The following EZH1 variants were observed in gnomAD, a reference collection of about 807,000 sequenced individuals.
EZH1 encodes enhancer of zeste 1 polycomb repressive complex 2 subunit, also known as histone-lysine N-methyltransferase EZH1.
EZH1 carries 33 observed loss-of-function variants against 100.5 expected under a neutral mutation model. That is an observed-to-expected ratio of 0.33 (90% confidence interval 0.25 to 0.44). EZH1 has a LOEUF of 0.44. Ranked by LOEUF, EZH1 falls within the 20% of genes least tolerant of loss-of-function variation. EZH1 has a pLI of 1.00. For missense variants in EZH1, 475 were observed against 928.4 expected (o/e 0.51, Z 6.35); for synonymous variants, 272 against 313.8 (o/e 0.87, Z 1.41).
chr17:42,724,317 T>C lies in EZH1; in HGVS notation c.354A>G (p.Gln118=). Residue 118 remains glutamine, a synonymous_variant, in exon 5 of 21, where the codon CAA becomes CAG. Transcript: ENST00000428826. ...VPIMYSWSPL[Q]QNFMVEDETV... ...TTTCAATACATACCATAAAGTTCTG[T>C]TGGAGAGGGGACCAGGAATACATGA... is the stretch of plus-strand genomic sequence containing the variant. The C allele has an allele frequency of 1.9e-6, 3 of 1,613,852 alleles. No individual in the cohort carries two copies. The highest frequency in any genetic ancestry group is 1.3e-5 in the African/African-American group (1 of 75,006).
chr17:42,728,756 A>G (rs973630665), intron 3 of EZH1, 69 bp downstream of exon 3: 2 of 1,503,468 alleles, frequency 1.3e-6, no homozygotes, highest in Non-Finnish European at 1.8e-6. Flanking sequence ...AAAAAAAAAA[A>G]TTCCAACCCC....
At position 42,712,731 on chromosome 17, in the gene EZH1, T is replaced by C. The variant is rs568517929; in HGVS notation, c.1205-246A>G. Among the ~76,000 whole-genome samples the C allele has an allele frequency of 2.0e-5, 3 of 148,680 alleles. 1 individual carries two copies. Among genetic ancestry groups the C allele is most frequent in the Non-Finnish European group, 4.5e-5 (3 of 67,040 alleles). On this transcript the variant is annotated intron_variant, in intron 11 of 20. Coordinates refer to ENST00000428826, the MANE Select transcript of EZH1 (RefSeq NM_001991.5). ...CAGCCTGGGCAACATGGCGAAACCC[T>C]GTCTCTACTAAAAATACAAAAATTA... is the stretch of plus-strand genomic sequence containing the variant.
intron 10 of EZH1, among the ~76,000 whole-genome samples, chr17:42,715,976 G>A (rs1597837284): frequency 6.6e-6 from 1 of 151,958 alleles, no homozygotes; most frequent in Middle Eastern, 3.4e-3. Flanking sequence ...GAACCCGGGA[G>A]GTGGAGATTG....
chr17:42,711,601 C>G (rs1056697327), intron 12 of EZH1, among the ~76,000 whole-genome samples: 4 of 151,712 alleles, frequency 2.6e-5, no homozygotes, highest in Non-Finnish European at 5.9e-5. Flanking sequence ...CAAGATTATG[C>G]CACTGCACCA....
chr17:42,711,071 C>A (rs2053472442), intron 12 of EZH1, among the ~76,000 whole-genome samples: 1 of 152,184 alleles, frequency 6.6e-6, no homozygotes, highest in Admixed American at 6.5e-5. Context: ...GTTCTTCAGT[C>A]TGTCTTCTCA....
chr17:42,727,905 C>T (rs1247404278), intron 3 of EZH1, 142 bp from the exon 4 acceptor site: 2 of 500,596 alleles, frequency 4.0e-6, no homozygotes, highest in Non-Finnish European at 5.7e-6. Context: ...CAACCTCCGC[C>T]TCCCGGGTTC....
At chr17:42,728,494 C>T (rs1018655859) in intron 3 of EZH1, among the ~76,000 whole-genome samples, 41 of 150,696 alleles carry the variant, frequency 2.7e-4, no homozygotes, top group African/African-American at 9.9e-4. Flanking sequence ...GTAATCCCAG[C>T]ACTTTGGGAG....
chr17:42,717,676 C>A (rs1054461005), intron 10 of EZH1, among the ~76,000 whole-genome samples: 2 of 152,270 alleles, frequency 1.3e-5, no homozygotes, highest in Non-Finnish European at 2.9e-5. Context: ...CCCACCCCCC[C>A]AGCATACACT....
At chr17:42,740,591 C>A (rs1448468809) in intron 1 of EZH1, among the ~76,000 whole-genome samples, 1 of 152,124 alleles carries the variant, frequency 6.6e-6, no homozygotes, top group Non-Finnish European at 1.5e-5. Flanking sequence ...TTGAAGTAAT[C>A]CCCCTTCCTC....
At chr17:42,738,917 C>T (rs963791333) in intron 1 of EZH1, among the ~76,000 whole-genome samples, 2 of 151,640 alleles carry the variant, frequency 1.3e-5, no homozygotes, top group African/African-American at 2.4e-5. Flanking sequence ...GCCACCAAGC[C>T]GGGTTAATTT....
At chr17:42,705,890 T>G (rs2053343391) in intron 16 of EZH1, 117 bp downstream of exon 16, 1 of 1,080,092 alleles carries the variant, frequency 9.3e-7, no homozygotes, top group Non-Finnish European at 1.3e-6. Context: ...TTTTAGGATT[T>G]ATCAAGCACT....
chr17:42,708,924 A>T lies in EZH1; in HGVS notation c.1494-8T>A. 6.2e-7 allele frequency: 1 copy of T among 1,614,212 alleles called. No homozygotes were observed. Among genetic ancestry groups the T allele is most frequent in the South Asian group, 1.1e-5 (1 of 91,086 alleles). ...CAGTGTGCAGCCCACAATCTGAAAA[A>T]GACAGGAAGGACAGGTCTCAGTCAC... On this transcript the variant is annotated splice_polypyrimidine_tract_variant and splice_region_variant and intron_variant, in intron 13 of 20. Coordinates refer to ENST00000428826, the MANE Select transcript of EZH1 (RefSeq NM_001991.5).
chr17:42,708,204 T>TTTAGCACCTGAAGACC, intron 14 of EZH1, 121 bp from the exon 15 acceptor site: 2 of 1,212,906 alleles, frequency 1.6e-6, no homozygotes, highest in Non-Finnish European at 2.3e-6. Context: ...TGGACACACA[T>TTTAGCACCTGAAGACC]TTAGCACCTG....
chr17:42,709,600 A>T (rs2053434346), intron 13 of EZH1: 3 of 413,438 alleles, frequency 7.3e-6, no homozygotes, highest in Non-Finnish European at 1.3e-5. Flanking sequence ...TATTGGCCAG[A>T]AGCTTAAATA....
At position 42,709,455 on chromosome 17, in the gene EZH1, T is replaced by C. The variant is rs369894293; in HGVS notation, c.1493+391A>G. On this transcript the variant is annotated intron_variant, in intron 13 of 20. Transcript: ENST00000428826. ...AAACTTCCAACCTAAGTAAAGGCTATCATGTAACTCAGAAAAACAACACAA... is the reference window on the plus strand; with the variant it reads ...AAACTTCCAACCTAAGTAAAGGCTACCATGTAACTCAGAAAAACAACACAA... The C allele has an allele frequency of 1.7e-3, 314 of 184,706 alleles. 1 individual carries two copies. Among genetic ancestry groups the C allele is most frequent in the South Asian group, 9.2e-3 (66 of 7,182 alleles). The allele number at this position is 184,706 out of a possible 1,614,324, so 11.4% of individuals were successfully genotyped here.
At chr17:42,720,213 C>T in intron 7 of EZH1, 60 bp downstream of exon 7, 1 of 1,532,152 alleles carries the variant, frequency 6.5e-7, no homozygotes, top group Non-Finnish European at 8.8e-7. Flanking sequence ...CTTTCCAGTT[C>T]TTCCTTCTTC....
intron 7 of EZH1, 21 bp from the exon 8 acceptor site, chr17:42,719,228 A>AG: frequency 6.3e-7 from 1 of 1,575,390 alleles, no homozygotes; most frequent in Non-Finnish European, 8.7e-7. Flanking sequence ...AATGATAAAA[A>AG]GCTCCTGAGT....
At chr17:42,720,005 A>G (rs1802071626) in intron 7 of EZH1, among the ~76,000 whole-genome samples, 2 of 152,244 alleles carry the variant, frequency 1.3e-5, no homozygotes, top group African/African-American at 4.8e-5. Flanking sequence ...AATTTGATAT[A>G]TACATATATA....
rs1201520847 is a variant in EZH1 at position 42,704,630 on chromosome 17, C to G, written c.1989G>C (p.Met663Ile). The change falls in exon 18 of 21, where the codon ATG becomes ATC. Residue 663 changes from methionine (M) to isoleucine (I), a missense_variant. This residue lies in a region of EZH1 where 49 missense variants were observed against 164.2 expected (regional missense o/e 0.30). Coordinates refer to ENST00000428826, the MANE Select transcript of EZH1 (RefSeq NM_001991.5). ...DRRGKVYDKY[M>I]SSFLFNLNND... ...TATTGAGGTTGAAGAGGAAGCTGGA[C>G]ATGTATTTGTCATAGACCTTTCCGC... The G allele has an allele frequency of 6.2e-7, 1 of 1,613,798 alleles. No homozygotes were observed. Among genetic ancestry groups the G allele is most frequent in the Non-Finnish European group, 8.5e-7 (1 of 1,179,916 alleles).
Sources: gnomAD v4.1 joint callset for allele counts (sites outside exome capture counted in the v4.1 genomes callset) on GRCh38, gnomAD v4.1.1 for gene constraint, gnomAD v4.1.1 regional missense constraint, MANE v1.5 for transcripts, NCBI Gene and HGNC (gene_info 2026-07-23, HGNC 2026-07-21) for gene names.